SNX24: variants seen among roughly 807,000 people sequenced by gnomAD.
SNX24 encodes the protein sorting nexin-24.
Under a neutral mutation model 28.7 loss-of-function variants are expected in SNX24, and 22 were observed. That is an observed-to-expected ratio of 0.77 (90% CI 0.55 to 1.10). The LOEUF is 1.10. Among genes scored for constraint, SNX24 ranks in the 50% least tolerant of loss-of-function variants. The pLI is 0.00. For synonymous variants in SNX24, 69 were observed against 71.5 expected, an observed-to-expected ratio of 0.96 and a Z score of 0.18; for missense variants, 221 against 201.1, an observed-to-expected ratio of 1.10 and a Z score of -0.60.
intron 3 of SNX24, among the ~76,000 whole-genome samples, chr5:122,962,310 T>C (rs1760516863): frequency 6.6e-6 from 1 of 152,250 alleles, no homozygotes; most frequent in Admixed American, 6.5e-5. Flanking sequence ...TGGAGAATTG[T>C]ACTACTTAAT....
At chr5:122,874,678 T>A (rs1287448492) in intron 1 of SNX24, among the ~76,000 whole-genome samples, 2 of 152,222 alleles carry the variant, frequency 1.3e-5, no homozygotes, top group Admixed American at 1.3e-4. Context: ...ACTTGACCTT[T>A]TTAGAAGGAG....
At chr5:122,980,874 G>A (rs1295939212) in intron 3 of SNX24, among the ~76,000 whole-genome samples, 1 of 152,064 alleles carries the variant, frequency 6.6e-6, no homozygotes, top group African/African-American at 2.4e-5. Context: ...TGCTGTTGGT[G>A]GAAGACCAGT....
intron 3 of SNX24, among the ~76,000 whole-genome samples, chr5:122,987,493 A>G (rs1441071871): frequency 6.6e-6 from 1 of 152,196 alleles, no homozygotes; most frequent in Admixed American, 6.5e-5. Context: ...AAGTGAAACC[A>G]GTCTTTTTTG....
At chr5:122,988,233 G>C (rs1297983246) in intron 3 of SNX24, among the ~76,000 whole-genome samples, 1 of 152,134 alleles carries the variant, frequency 6.6e-6, no homozygotes, top group Non-Finnish European at 1.5e-5. Context: ...CTGAGCTTCT[G>C]CCCAGCCCCA....
chr5:122,952,328 A>G (rs1358544947), intron 3 of SNX24, among the ~76,000 whole-genome samples: 1 of 152,244 alleles, frequency 6.6e-6, no homozygotes, highest in East Asian at 1.9e-4. Flanking sequence ...TTTTAAAAAA[A>G]GAATTTTCTT....
chr5:122,990,822 A>G (rs1761813509), intron 3 of SNX24, among the ~76,000 whole-genome samples: 1 of 152,228 alleles, frequency 6.6e-6, no homozygotes, highest in Non-Finnish European at 1.5e-5. Context: ...AAACACTAAT[A>G]TTAAATACCG....
At chr5:122,871,216 T>G (rs998776963) in intron 1 of SNX24, among the ~76,000 whole-genome samples, 7 of 152,128 alleles carry the variant, frequency 4.6e-5, no homozygotes, top group African/African-American at 1.7e-4. Context: ...ATTTTCAAGT[T>G]TTGTCCCCAG....
chr5:122,899,973 A>G (rs886513312), intron 1 of SNX24, among the ~76,000 whole-genome samples: 10 of 152,144 alleles, frequency 6.6e-5, no homozygotes, highest in Non-Finnish European at 8.8e-5. Context: ...TGAATAAATG[A>G]CAAATAAATA....
At chr5:122,909,339 GTTAAC>G (rs1294954683) in intron 1 of SNX24, among the ~76,000 whole-genome samples, 1 of 152,172 alleles carries the variant, frequency 6.6e-6, no homozygotes, top group Non-Finnish European at 1.5e-5. Flanking sequence ...CTTTATAAAT[GTTAAC>G]TTAAGTCCTC....
intron 3 of SNX24, among the ~76,000 whole-genome samples, chr5:122,992,128 T>G (rs2150167217): frequency 6.6e-6 from 1 of 152,316 alleles, no homozygotes; most frequent in African/African-American, 2.4e-5. Flanking sequence ...AACAGTAGTT[T>G]TGAAGCTAGA....
At chr5:122,975,607 C>G (rs1211265841) in intron 3 of SNX24, among the ~76,000 whole-genome samples, 1 of 152,028 alleles carries the variant, frequency 6.6e-6, no homozygotes, top group Admixed American at 6.6e-5. Flanking sequence ...AAAATATATT[C>G]AAGACATATG....
chr5:122,944,983 A>G (rs564182214), intron 2 of SNX24, among the ~76,000 whole-genome samples: 2 of 152,204 alleles, frequency 1.3e-5, no homozygotes, highest in Non-Finnish European at 2.9e-5. Flanking sequence ...ATAACAAATT[A>G]CCATAAATGT....
chr5:122,974,960 T>C (rs961185558), intron 3 of SNX24, among the ~76,000 whole-genome samples: 1 of 152,086 alleles, frequency 6.6e-6, no homozygotes, highest in African/African-American at 2.4e-5. Context: ...ACAGGATGAG[T>C]CCGGGGAATC....
chr5:123,019,289 G>GAAA (rs76674069), intron 5 of SNX24, among the ~76,000 whole-genome samples: 3 of 128,266 alleles, frequency 2.3e-5, no homozygotes, highest in Non-Finnish European at 1.7e-5. Flanking sequence ...TCTTTAATTT[G>GAAA]AAAAAAAAAA....
chr5:122,883,463 A>G (rs958797577), intron 1 of SNX24, among the ~76,000 whole-genome samples: 8 of 152,134 alleles, frequency 5.3e-5, no homozygotes, highest in Non-Finnish European at 1.0e-4. Context: ...TTACCATTAC[A>G]TTCTTTTCTT....
At chr5:122,925,475 GC>G (rs1758655315) in intron 1 of SNX24, among the ~76,000 whole-genome samples, 1 of 151,642 alleles carries the variant, frequency 6.6e-6, no homozygotes, top group East Asian at 2.0e-4. Context: ...ATATTGCCCA[GC>G]TGGTCTTGAA....
At chr5:122,951,241 T>C (rs1001132949) in intron 3 of SNX24, among the ~76,000 whole-genome samples, 1 of 122,680 alleles carries the variant, frequency 8.2e-6, no homozygotes, top group East Asian at 2.6e-4. Context: ...CACTCCAGCC[T>C]GGGCGACAGA....
At chr5:123,029,072 A>T (rs2150189576) in intron 5 of SNX24, 2 of 865,718 alleles carry the variant, frequency 2.3e-6, no homozygotes, top group East Asian at 2.7e-5. Flanking sequence ...TATTAATGTG[A>T]ATAAGTTAAA....
At chr5:123,005,989 G>A (rs769925561) in intron 6 of SNX24, among the ~76,000 whole-genome samples, 1 of 152,072 alleles carries the variant, frequency 6.6e-6, no homozygotes, top group Non-Finnish European at 1.5e-5. Context: ...GTGTTCATTC[G>A]CTTGTCTCCC....
Sources: allele counts gnomAD v4.1 joint callset (sites outside exome capture counted in the v4.1 genomes callset), GRCh38; gene constraint gnomAD v4.1.1; transcripts MANE v1.5; gene names NCBI Gene and HGNC (gene_info 2026-07-23, HGNC 2026-07-21).